Variants in RBFOX1 observed in about 807,000 individuals in gnomAD.
RBFOX1 encodes the protein RNA binding protein fox-1 homolog 1.
In RBFOX1, 8 loss-of-function variants were observed where a neutral mutation model predicts 57.7. That is an observed-to-expected ratio of 0.14 (90% confidence interval 0.08 to 0.25). The LOEUF (loss-of-function observed/expected upper bound fraction) is 0.25, where lower values mean the gene tolerates loss of function less well. RBFOX1 is among the 10% of genes least tolerant of loss of function. The pLI, the probability that RBFOX1 is intolerant of heterozygous loss-of-function variation, is 1.00. For synonymous variants in RBFOX1, 326 were observed against 222.4 expected, an observed-to-expected ratio of 1.47 and a Z score of -4.15; for missense variants, 611 against 548.5, an observed-to-expected ratio of 1.11 and a Z score of -1.14.
intron 3 of RBFOX1, among the ~76,000 whole-genome samples, chr16:6,766,364 A>G (rs1368830260): frequency 6.6e-6 from 1 of 151,822 alleles, no homozygotes; most frequent in African/African-American, 2.4e-5. Context: ...CTACTTGAGC[A>G]TTTGTCTGTT....
intron 4 of RBFOX1, among the ~76,000 whole-genome samples, chr16:7,125,760 A>T (rs534818224): frequency 2.0e-5 from 3 of 152,140 alleles, no homozygotes; most frequent in Non-Finnish European, 4.4e-5. Context: ...TGTGAGGCCA[A>T]GGATATGACT....
intron 4 of RBFOX1, among the ~76,000 whole-genome samples, chr16:7,200,703 T>C (rs2088146837): frequency 6.6e-6 from 1 of 152,210 alleles, no homozygotes; most frequent in African/African-American, 2.4e-5. Context: ...ATAATAATGC[T>C]GTGTTCCTCG....
chr16:6,306,218 G>A (rs537239527), intron 1 of RBFOX1, among the ~76,000 whole-genome samples: 1 of 152,126 alleles, frequency 6.6e-6, no homozygotes, highest in Non-Finnish European at 1.5e-5. Flanking sequence ...GCAATGACAA[G>A]GGAACCTGTC....
intron 2 of RBFOX1, among the ~76,000 whole-genome samples, chr16:6,537,720 C>T (rs982865830): frequency 2.6e-5 from 4 of 152,136 alleles, no homozygotes; most frequent in African/African-American, 9.7e-5. Context: ...TTAGGCCATT[C>T]CTTAAGGTTT....
chr16:7,630,077 C>T (rs186767657), intron 10 of RBFOX1, among the ~76,000 whole-genome samples: 2 of 152,166 alleles, frequency 1.3e-5, no homozygotes, highest in Non-Finnish European at 2.9e-5. Context: ...AACATGTATG[C>T]TTACTATTGA....
intron 3 of RBFOX1, among the ~76,000 whole-genome samples, chr16:6,781,442 G>C (rs2081004260): frequency 6.6e-6 from 1 of 152,060 alleles, no homozygotes; most frequent in Non-Finnish European, 1.5e-5. Context: ...TGATCCTGTA[G>C]AATGAGTTTG....
At chr16:6,948,375 CTTTTTTTTTT>C (rs968186299) in intron 3 of RBFOX1, among the ~76,000 whole-genome samples, 16 of 67,962 alleles carry the variant, frequency 2.4e-4, no homozygotes, top group South Asian at 5.2e-4. Context: ...TTCTCCCTTT[CTTTTTTTTTT>C]TTTTTTTTTT....
At chr16:6,853,394 G>C (rs922834238) in intron 3 of RBFOX1, among the ~76,000 whole-genome samples, 2 of 152,150 alleles carry the variant, frequency 1.3e-5, no homozygotes, top group African/African-American at 4.8e-5. Flanking sequence ...TTGAATTTTA[G>C]TTCGCAGAGT....
chr16:5,770,166 C>A (rs1597179501), intron 3 of RBFOX1, among the ~76,000 whole-genome samples: 1 of 152,020 alleles, frequency 6.6e-6, no homozygotes, highest in East Asian at 1.9e-4. Flanking sequence ...AAGTGAGAAC[C>A]TCTCATGTTG....
At chr16:6,620,892 C>T (rs889477148) in intron 2 of RBFOX1, among the ~76,000 whole-genome samples, 6 of 152,150 alleles carry the variant, frequency 3.9e-5, no homozygotes, top group Admixed American at 3.3e-4. Flanking sequence ...GATAGGACTG[C>T]CTTAACAAAT....
At chr16:6,044,220 G>A (rs945214947) in intron 1 of RBFOX1, among the ~76,000 whole-genome samples, 12 of 152,138 alleles carry the variant, frequency 7.9e-5, no homozygotes, top group South Asian at 2.1e-4. Flanking sequence ...CTTTCAAAGC[G>A]TGGGACTTAA....
intron 1 of RBFOX1, among the ~76,000 whole-genome samples, chr16:5,450,715 G>C (rs564833233): frequency 6.6e-6 from 1 of 152,184 alleles, no homozygotes; most frequent in Non-Finnish European, 1.5e-5. Context: ...GCTGGAATTC[G>C]GCTCTGATGC....
intron 4 of RBFOX1, among the ~76,000 whole-genome samples, chr16:7,277,027 A>T (rs17738758): frequency 0.16 from 24,099 of 152,236 alleles, 2,149 homozygotes; most frequent in Middle Eastern, 0.24. Flanking sequence ...TTATTTTTAC[A>T]GAAAGAAATG....
chr16:6,285,936 T>C (rs752394324), intron 1 of RBFOX1, among the ~76,000 whole-genome samples: 11 of 152,174 alleles, frequency 7.2e-5, no homozygotes, highest in South Asian at 2.1e-4. Flanking sequence ...AGGCTTCTTG[T>C]GTAAAAGTGG....
chr16:6,368,481 T>C (rs547125646), intron 2 of RBFOX1, among the ~76,000 whole-genome samples: 3 of 152,356 alleles, frequency 2.0e-5, no homozygotes, highest in Admixed American at 6.5e-5. Context: ...TGTAGACCTT[T>C]CCAGTTCTCT....
intron 13 of RBFOX1, among the ~76,000 whole-genome samples, chr16:7,673,539 T>G (rs1459208202): frequency 6.6e-6 from 1 of 152,130 alleles, no homozygotes. Flanking sequence ...AGACCCCATC[T>G]CTAGTAGTAA....
Position 7,037,889 on chromosome 16 carries a change from C to G in RBFOX1, c.-15-14168C>G, listed in dbSNP as rs141529887. Reference sequence around the variant, plus strand: ...CCAGATAAGGCCATGGCCTGTGTGTCTCTGCTGAATCTATTTAATTGGGAT... The same window carrying G: ...CCAGATAAGGCCATGGCCTGTGTGTGTCTGCTGAATCTATTTAATTGGGAT... On this transcript the variant is annotated intron_variant, in intron 3 of 15. Coordinates refer to ENST00000550418, the MANE Select transcript of RBFOX1 (RefSeq NM_018723.4). 2.2e-3 allele frequency among the ~76,000 whole-genome samples: 334 copies of G among 152,264 alleles called. 2 individuals carry two copies. Among genetic ancestry groups the G allele is most frequent in the African/African-American group, 7.7e-3 (319 of 41,556 alleles).
chr16:6,459,285 G>A (rs753643706), intron 2 of RBFOX1, among the ~76,000 whole-genome samples: 16 of 152,162 alleles, frequency 1.1e-4, no homozygotes, highest in South Asian at 2.1e-4. Context: ...GCAGTGAGCC[G>A]AGATGGCGCC....
At position 6,594,694 on chromosome 16, in the gene RBFOX1, AC is replaced by A. The variant is rs575898272; in HGVS notation, c.-63-59908del. On this transcript the variant is annotated intron_variant, in intron 2 of 15. Coordinates refer to ENST00000550418, the MANE Select transcript of RBFOX1 (RefSeq NM_018723.4). ...AGGGACCCAGCACGCTCATCTTTGTACTTTTTTTTTTGAGATGTTTTTATTG... is the reference window on the plus strand; with the variant it reads ...AGGGACCCAGCACGCTCATCTTTGTATTTTTTTTTTGAGATGTTTTTATTG... Among the ~76,000 whole-genome samples the A allele has an allele frequency of 1.5e-4, 3 of 19,654 alleles. No individual in the cohort carries two copies. In the South Asian group the frequency reaches 0.088, roughly 578 times the overall value. The allele number at this position is 19,654 out of a possible 152,430, so 12.9% of individuals were successfully genotyped here.
Sources: allele counts gnomAD v4.1 joint callset (sites outside exome capture counted in the v4.1 genomes callset), GRCh38; gene constraint gnomAD v4.1.1; transcripts MANE v1.5; gene names NCBI Gene and HGNC (gene_info 2026-07-23, HGNC 2026-07-21).